TBCCD1: variants seen among roughly 807,000 people sequenced by gnomAD.
TBCCD1 encodes TBCC domain containing 1, also known as TBCC domain-containing protein 1.
A neutral mutation model predicts 53.4 loss-of-function variants in TBCCD1; 26 were observed. The observed-to-expected ratio is 0.49, with a 90% CI of 0.36 to 0.68. TBCCD1 has a LOEUF of 0.68. TBCCD1 is among the 30% of genes least tolerant of loss of function. TBCCD1 has a pLI of 0.00. For synonymous variants in TBCCD1, 245 were observed against 241.7 expected (o/e 1.01, Z -0.13); for missense variants, 558 against 669.5 (o/e 0.83, Z 1.84).
intron 1 of TBCCD1, among the ~76,000 whole-genome samples, chr3:186,565,234 C>T (rs919661542): frequency 3.3e-5 from 5 of 151,728 alleles, no homozygotes; most frequent in African/African-American, 4.8e-5. Context: ...CCTCAGCCTC[C>T]CCAGTAGCTG....
At chr3:186,552,580 C>A (rs1280766197) in intron 6 of TBCCD1, among the ~76,000 whole-genome samples, 6 of 152,170 alleles carry the variant, frequency 3.9e-5, no homozygotes, top group Admixed American at 3.9e-4. Flanking sequence ...TTTAGCTCTT[C>A]CTTCCTTCCT....
At chr3:186,549,304 AT>A (rs1442950118) in intron 7 of TBCCD1, among the ~76,000 whole-genome samples, 2 of 151,948 alleles carry the variant, frequency 1.3e-5, no homozygotes, top group Non-Finnish European at 2.9e-5. Flanking sequence ...AAATAAATAA[AT>A]TAATTAATTA....
upstream of TBCCD1, among the ~76,000 whole-genome samples, chr3:186,568,879 G>A (rs1222856367): frequency 1.4e-5 from 2 of 147,934 alleles, no homozygotes; most frequent in African/African-American, 5.1e-5. Context: ...CTCCAGCCTG[G>A]GCGACAGAGC....
At position 186,564,152 on chromosome 3, in the gene TBCCD1, T is replaced by C. The variant is rs1008062067; in HGVS notation, c.178A>G (p.Ile60Val). ...PRLYWSTWRH[I>V]ACGKLQLAKD... ...GCCAACTGCAGCTTCCCACAAGCGA[T>C]GTGCCTCCATGTAGACCAGTAGAGG... Residue 60 changes from isoleucine to valine, a missense_variant, in exon 2 of 8, where the codon ATC (isoleucine) becomes GTC (valine). Ile to Val is a conservative substitution (Grantham distance 29). Transcript: ENST00000338733. 2 of 1,614,096 alleles carry C rather than the reference T, an allele frequency of 1.2e-6. No individual in the cohort carries two copies. Among genetic ancestry groups the C allele is most frequent in the Admixed American group, 1.7e-5 (1 of 60,004 alleles).
chr3:186,560,331 T>C (rs1416077559), intron 2 of TBCCD1, among the ~76,000 whole-genome samples: 1 of 152,228 alleles, frequency 6.6e-6, no homozygotes, highest in Non-Finnish European at 1.5e-5. Flanking sequence ...GCCCTTTCCC[T>C]CTTCATTGCT....
chr3:186,559,841 T>C (rs1027593098), intron 2 of TBCCD1, among the ~76,000 whole-genome samples: 3 of 152,234 alleles, frequency 2.0e-5, no homozygotes, highest in African/African-American at 7.2e-5. Context: ...ATCAGGATAT[T>C]GACACCGATA....
At chr3:186,570,500 G>T, upstream of TBCCD1, 1 of 494,726 alleles carries the variant, frequency 2.0e-6, no homozygotes, top group Non-Finnish European at 3.5e-6. Flanking sequence ...ACTCGCGGTA[G>T]CTCAGGCAGA....
In TBCCD1 at chr3:186,554,803, T is replaced by C. The variant is rs369013039; in HGVS notation, c.1047-52A>G. 466 of 1,591,342 alleles carry C rather than the reference T, an allele frequency of 2.9e-4. 5 individuals are homozygous for C. The African/African-American group carries it at 5.7e-3, about 20-fold the overall frequency. ...GTCCTCTGAATAAGATTTTAAAAAT[T>C]TGACTAAAATATTATTATCTGATGG... is the stretch of plus-strand genomic sequence containing the variant. On this transcript the variant is annotated intron_variant, in intron 5 of 7. Transcript: ENST00000338733.
chr3:186,554,128 G>A lies in TBCCD1; in HGVS notation c.1544+126C>T, dbSNP rs539867081. The stretch of plus-strand genomic sequence containing the variant: ...CTCCCAAAGTGCTGGGATTATAGGC[G>A]TGAGCCACCGCGCCCAGCCTTACAT... On this transcript the variant is annotated intron_variant, in intron 6 of 7. Transcript: ENST00000338733. 2.3e-4 allele frequency: 316 copies of A among 1,358,648 alleles called. 3 individuals are homozygous for A. The South Asian group carries it at 3.6e-3, about 15-fold the overall frequency. 84.2% of individuals were successfully genotyped at this position (1,358,648 alleles called of 1,614,324 possible).
In TBCCD1 at chr3:186,564,275, C is replaced by A. The variant is rs138972243; in HGVS notation, c.55G>T (p.Ala19Ser). 241 of 1,614,072 alleles carry A rather than the reference C, an allele frequency of 1.5e-4. No homozygotes were observed. The highest frequency in any genetic ancestry group is 1.9e-4 in the Non-Finnish European group (221 of 1,180,038). ...WVKAEPFIVG[A>S]LQVPPPSKFS... ...TTGGATGGAGGGGGGACCTGCAAGG[C>A]ACCCACTATAAAGGGTTCTGCTTTC... Residue 19 changes from alanine to serine, a missense_variant, in exon 2 of 8, where the codon GCC (alanine) becomes TCC (serine). Physicochemically the swap from Ala to Ser is moderately conservative, Grantham distance 99. Coordinates refer to ENST00000338733, the MANE Select transcript of TBCCD1 (RefSeq NM_018138.5).
upstream of TBCCD1, among the ~76,000 whole-genome samples, chr3:186,569,406 C>T (rs1383242869): frequency 6.6e-6 from 1 of 151,938 alleles, no homozygotes; most frequent in East Asian, 1.9e-4. Flanking sequence ...GCAACCTCCA[C>T]CTCCCAGGTT....
intron 4 of TBCCD1, 79 bp from the exon 5 acceptor site, chr3:186,555,163 A>C (rs1714500873): frequency 2.2e-6 from 3 of 1,358,038 alleles, no homozygotes; most frequent in Non-Finnish European, 3.0e-6. Context: ...TTACACGTCT[A>C]CATGTATATA....
chr3:186,567,541 G>A (rs891843930), upstream of TBCCD1: 6 of 152,290 alleles, frequency 3.9e-5, no homozygotes, highest in African/African-American at 1.4e-4. Context: ...TTTCAACCCG[G>A]GGGGGTAGGA....
intron 6 of TBCCD1, among the ~76,000 whole-genome samples, chr3:186,553,996 C>T (rs1413519685): frequency 3.9e-5 from 6 of 152,148 alleles, no homozygotes; most frequent in Middle Eastern, 3.2e-3. Flanking sequence ...TACAGGCACA[C>T]GCCACCACAC....
intron 7 of TBCCD1, 137 bp downstream of exon 7, chr3:186,550,992 G>A (rs1281438972): frequency 2.7e-6 from 2 of 743,320 alleles, no homozygotes; most frequent in African/African-American, 1.8e-5. Flanking sequence ...GTAAATATGG[G>A]TACATAAAGG....
At chr3:186,563,617 G>A (rs989749200) in intron 2 of TBCCD1, among the ~76,000 whole-genome samples, 1 of 152,124 alleles carries the variant, frequency 6.6e-6, no homozygotes, top group African/African-American at 2.4e-5. Context: ...TACTGCTTTG[G>A]GAGTAGGTGA....
At chr3:186,570,099 G>T (rs1242339260), upstream of TBCCD1, 1 of 700,876 alleles carries the variant, frequency 1.4e-6, no homozygotes, top group African/African-American at 1.8e-5. Flanking sequence ...AGGGGTGGGG[G>T]GTCTCACCAC....
intron 1 of TBCCD1, among the ~76,000 whole-genome samples, chr3:186,566,080 C>T (rs1240618658): frequency 6.6e-6 from 1 of 151,712 alleles, no homozygotes; most frequent in Non-Finnish European, 1.5e-5. Context: ...CTCTGTTGCC[C>T]AGGCTGGAGT....
intron 2 of TBCCD1, among the ~76,000 whole-genome samples, chr3:186,561,733 G>A (rs560222548): frequency 4.7e-4 from 71 of 152,206 alleles, no homozygotes; most frequent in South Asian, 1.0e-3. Context: ...AGCTTGCAAT[G>A]AGCTGAGATC....
Sources: gnomAD v4.1 joint callset for allele counts (sites outside exome capture counted in the v4.1 genomes callset) on GRCh38, gnomAD v4.1.1 for gene constraint, MANE v1.5 for transcripts, NCBI Gene and HGNC (gene_info 2026-07-23, HGNC 2026-07-21) for gene names.